Variants in PLXNC1 observed in about 807,000 individuals in gnomAD.
The protein encoded by PLXNC1 is plexin-C1.
A neutral mutation model predicts 178.2 loss-of-function variants in PLXNC1; 75 were observed. The ratio of observed to expected loss-of-function variants is 0.42; its 90% CI spans 0.35 to 0.51. The LOEUF (loss-of-function observed/expected upper bound fraction) is 0.51, where lower values mean the gene tolerates loss of function less well. PLXNC1 is among the 20% of genes least tolerant of loss of function. The probability of loss-of-function intolerance (pLI) is 0.02; values close to 1 mark genes in which losing one functional copy is unlikely to be tolerated. For synonymous variants in PLXNC1, 790 were observed against 779.9 expected (o/e 1.01, Z -0.22); for missense variants, 1,503 against 1,984.4 (o/e 0.76, Z 4.61).
chr12:94,192,336 T>G (rs968806024), intron 4 of PLXNC1, among the ~76,000 whole-genome samples: 4 of 151,942 alleles, frequency 2.6e-5, no homozygotes, highest in African/African-American at 2.4e-5. Flanking sequence ...ATCACAAATA[T>G]TTTTTAAGCA....
chr12:94,205,155 G>A (rs1963262048), intron 4 of PLXNC1, among the ~76,000 whole-genome samples: 1 of 151,982 alleles, frequency 6.6e-6, no homozygotes, highest in East Asian at 1.9e-4. Context: ...CCGGCCCATG[G>A]GTATTTCACC....
At chr12:94,168,729 G>A (rs1402480336) in intron 1 of PLXNC1, among the ~76,000 whole-genome samples, 1 of 152,176 alleles carries the variant, frequency 6.6e-6, no homozygotes, top group Non-Finnish European at 1.5e-5. Context: ...CACATCTTGG[G>A]AAATGTTTGT....
intron 6 of PLXNC1, among the ~76,000 whole-genome samples, chr12:94,220,719 A>G (rs1031460877): frequency 1.3e-5 from 2 of 152,240 alleles, no homozygotes; most frequent in African/African-American, 4.8e-5. Context: ...ATAGAGTACC[A>G]TGAGAAGCAC....
At chr12:94,277,201 A>G (rs1966030084) in intron 21 of PLXNC1, 1 of 152,088 alleles carries the variant, frequency 6.6e-6, no homozygotes, top group Non-Finnish European at 1.5e-5. Flanking sequence ...GGGTCCTCAC[A>G]TGGTGGAAAG....
At position 94,149,127 on chromosome 12, in the gene PLXNC1, C is replaced by T. The variant is rs781457303; in HGVS notation, c.156C>T (p.Ser52=). Residue 52 remains serine, a synonymous_variant, in exon 1 of 31, where the codon AGC becomes AGT. Coordinates refer to ENST00000258526, the MANE Select transcript of PLXNC1 (RefSeq NM_005761.3). ...AAGCCATCGGAGCCATCGCGGCGAG[C>T]CAGGAGGACGGCGTGTTTGTGGCGA... ...SEQAIGAIAA[S]QEDGVFVASG... is the part of the protein sequence containing the mutation. 1.9e-6 allele frequency: 3 copies of T among 1,588,828 alleles called. No individual in the cohort carries two copies. The highest frequency in any genetic ancestry group is 2.6e-6 in the Non-Finnish European group (3 of 1,172,444).
chr12:94,246,599 G>A (rs1964536633), intron 12 of PLXNC1, among the ~76,000 whole-genome samples: 1 of 152,228 alleles, frequency 6.6e-6, no homozygotes, highest in Admixed American at 6.5e-5. Flanking sequence ...TTTGTCACGA[G>A]TATGGAACTG....
intron 24 of PLXNC1, among the ~76,000 whole-genome samples, chr12:94,296,254 G>A (rs1359637343): frequency 1.3e-5 from 2 of 152,108 alleles, no homozygotes; most frequent in Admixed American, 6.5e-5. Context: ...TCAACCTGCT[G>A]GGCTCAAATG....
At chr12:94,227,860 G>T (rs965145387) in intron 9 of PLXNC1, among the ~76,000 whole-genome samples, 1 of 152,168 alleles carries the variant, frequency 6.6e-6, no homozygotes, top group African/African-American at 2.4e-5. Flanking sequence ...ATTTCTGGGC[G>T]GAACACATGT....
chr12:94,196,500 A>G (rs1805484350), intron 4 of PLXNC1, among the ~76,000 whole-genome samples: 1 of 152,086 alleles, frequency 6.6e-6, no homozygotes, highest in Admixed American at 6.5e-5. Context: ...GACACTACCC[A>G]TGCTTCCTGT....
intron 21 of PLXNC1, among the ~76,000 whole-genome samples, chr12:94,276,051 A>C (rs995167069): frequency 6.6e-6 from 1 of 152,154 alleles, no homozygotes; most frequent in African/African-American, 2.4e-5. Flanking sequence ...TTTTACATCC[A>C]GTTAAGGGTG....
At chr12:94,220,273 T>G in intron 6 of PLXNC1, 110 bp downstream of exon 6, 2 of 1,029,434 alleles carry the variant, frequency 1.9e-6, no homozygotes, top group Non-Finnish European at 2.9e-6. Context: ...GTAGACTCAC[T>G]CCCTCACTAC....
rs183926551 is a variant in PLXNC1, at chr12:94,150,163, G to A, written c.1062+130G>A. 101 of 773,264 alleles carry A rather than the reference G, an allele frequency of 1.3e-4. 1 individual carries two copies. In the East Asian group the frequency reaches 2.9e-3, roughly 22 times the overall value. The allele number at this position is 773,264 out of a possible 1,614,324, so 47.9% of individuals were successfully genotyped here. Reference sequence around the variant, plus strand: ...CCGGGTGACATTTACCAGGTCTCAGGTTCACACCGCGGGCGGCCGTCCGAA... The same window carrying A: ...CCGGGTGACATTTACCAGGTCTCAGATTCACACCGCGGGCGGCCGTCCGAA... On this transcript the variant is annotated intron_variant, in intron 1 of 30. Coordinates refer to ENST00000258526, the MANE Select transcript of PLXNC1 (RefSeq NM_005761.3).
intron 4 of PLXNC1, among the ~76,000 whole-genome samples, chr12:94,194,132 G>C (rs1962828275): frequency 6.6e-6 from 1 of 152,068 alleles, no homozygotes; most frequent in South Asian, 2.1e-4. Context: ...TGGAACAGGA[G>C]GAAAGGGGGG....
chr12:94,219,807 A>ATTTG (rs2136017975), intron 5 of PLXNC1, among the ~76,000 whole-genome samples: 1 of 46,710 alleles, frequency 2.1e-5, no homozygotes, highest in South Asian at 7.8e-4. Flanking sequence ...TTATATTTTT[A>ATTTG]TTTATTTATT....
chr12:94,222,925 A>G (rs1963835887), intron 6 of PLXNC1, among the ~76,000 whole-genome samples: 1 of 152,182 alleles, frequency 6.6e-6, no homozygotes, highest in Non-Finnish European at 1.5e-5. Flanking sequence ...ATCATTTCAC[A>G]CACACCCTCT....
intron 20 of PLXNC1, among the ~76,000 whole-genome samples, chr12:94,263,093 C>T (rs1282675912): frequency 6.6e-6 from 1 of 152,126 alleles, no homozygotes; most frequent in Non-Finnish European, 1.5e-5. Flanking sequence ...GAATCACGTA[C>T]GCAGCGGCTG....
At chr12:94,278,194 T>TCGTTAAG in intron 21 of PLXNC1, 1 of 370,114 alleles carries the variant, frequency 2.7e-6, no homozygotes, top group South Asian at 2.0e-5. Context: ...TTACATTCCC[T>TCGTTAAG]CGTTAAGCCA....
intron 21 of PLXNC1, among the ~76,000 whole-genome samples, chr12:94,278,466 T>G (rs775174217): frequency 6.6e-6 from 1 of 152,262 alleles, no homozygotes; most frequent in Non-Finnish European, 1.5e-5. Context: ...TTTTCACACG[T>G]GCACAAAGGC....
chr12:94,180,547 C>T (rs1052845115), intron 2 of PLXNC1, among the ~76,000 whole-genome samples: 1 of 152,150 alleles, frequency 6.6e-6, no homozygotes, highest in African/African-American at 2.4e-5. Context: ...TTCAAACACC[C>T]AGAACAGTGC....
Sources: gnomAD v4.1 joint callset for allele counts (sites outside exome capture counted in the v4.1 genomes callset) on GRCh38, gnomAD v4.1.1 for gene constraint, MANE v1.5 for transcripts, NCBI Gene and HGNC (gene_info 2026-07-23, HGNC 2026-07-21) for gene names.